Variants in TSPAN2 observed in about 807,000 individuals in gnomAD.
TSPAN2 encodes tetraspanin-2.
TSPAN2 carries 24 observed loss-of-function variants against 33.3 expected under a neutral mutation model. The observed-to-expected ratio is 0.72, with a 90% CI of 0.52 to 1.01. TSPAN2 has a LOEUF of 1.01. Ranked by LOEUF, TSPAN2 falls within the 50% of genes least tolerant of loss-of-function variation. The pLI, the probability that TSPAN2 is intolerant of heterozygous loss-of-function variation, is 0.00. For synonymous variants in TSPAN2, 114 were observed against 104.5 expected, an observed-to-expected ratio of 1.09 and a Z score of -0.56; for missense variants, 278 against 281.3, an observed-to-expected ratio of 0.99 and a Z score of 0.08.
Position 115,050,335 on chromosome 1 carries a change from T to G in TSPAN2, c.*155A>C. ...GGCATTCACTCAAGGGGTAAACCAG[T>G]AATGAGCCAAACATACGTACTCATG... On this transcript the variant is annotated 3_prime_UTR_variant, in exon 8 of 8. Transcript: ENST00000369516. The G allele has an allele frequency of 1.4e-6, 1 of 710,254 alleles. No individual in the cohort carries two copies. Among genetic ancestry groups the G allele is most frequent in the Non-Finnish European group, 2.5e-6 (1 of 402,108 alleles). The allele number at this position is 710,254 out of a possible 1,614,324, so 44.0% of individuals were successfully genotyped here.
chr1:115,083,499 G>T (rs982440450), intron 1 of TSPAN2, among the ~76,000 whole-genome samples: 2 of 152,214 alleles, frequency 1.3e-5, no homozygotes, highest in East Asian at 3.9e-4. Flanking sequence ...TCAGAAACAA[G>T]TGCCACTGCT....
At chr1:115,084,293 T>C (rs12564786) in intron 1 of TSPAN2, among the ~76,000 whole-genome samples, 17,868 of 152,240 alleles carry the variant, frequency 0.12, 1,177 homozygotes, top group East Asian at 0.21. Context: ...ATGTCCATTA[T>C]ACAGATGAGA....
intron 2 of TSPAN2, among the ~76,000 whole-genome samples, chr1:115,071,275 G>C (rs1002456384): frequency 6.6e-6 from 1 of 152,152 alleles, no homozygotes; most frequent in Non-Finnish European, 1.5e-5. Context: ...AAGCTGCAAG[G>C]GGAAATGTGT....
chr1:115,058,080 C>T (rs937542639), intron 5 of TSPAN2: 5 of 174,020 alleles, frequency 2.9e-5, no homozygotes, highest in African/African-American at 1.2e-4. Flanking sequence ...GGCCAGCAAA[C>T]AGGTGTCCTG....
intron 1 of TSPAN2, among the ~76,000 whole-genome samples, chr1:115,077,724 CTGA>C (rs1201330744): frequency 6.6e-6 from 1 of 152,188 alleles, no homozygotes; most frequent in Non-Finnish European, 1.5e-5. Context: ...CCTGGGATTG[CTGA>C]TGAGATGTCC....
At chr1:115,089,297 G>T in intron 1 of TSPAN2, 67 bp downstream of exon 1, 1 of 1,407,572 alleles carries the variant, frequency 7.1e-7, no homozygotes. Flanking sequence ...AGCAGCTCGG[G>T]GACCCCGGCC....
At chr1:115,087,605 G>C (rs1350494320) in intron 1 of TSPAN2, among the ~76,000 whole-genome samples, 2 of 115,226 alleles carry the variant, frequency 1.7e-5, no homozygotes, top group Non-Finnish European at 3.3e-5. Context: ...TACAGAGTGA[G>C]ACTCCGTCTC....
chr1:115,069,889 T>C (rs1648095895), intron 2 of TSPAN2, among the ~76,000 whole-genome samples: 1 of 152,256 alleles, frequency 6.6e-6, no homozygotes, highest in Non-Finnish European at 1.5e-5. Flanking sequence ...AAACACACAA[T>C]TCTGATTCTT....
intron 1 of TSPAN2, among the ~76,000 whole-genome samples, chr1:115,078,118 C>T (rs12137569): frequency 0.23 from 34,551 of 152,158 alleles, 4,106 homozygotes; most frequent in East Asian, 0.39. Context: ...GTGGAGGTCT[C>T]TGTTCTTGCT....
chr1:115,050,295 C>T lies in TSPAN2; in HGVS notation c.*195G>A. 1 of 630,006 alleles carries T rather than the reference C, an allele frequency of 1.6e-6. No homozygotes were observed. Among genetic ancestry groups the T allele is most frequent in the East Asian group, 2.8e-5 (1 of 35,608 alleles). The allele number at this position is 630,006 out of a possible 1,614,324, so 39.0% of individuals were successfully genotyped here. ...CGCAGATCACACATGAATATGCTCT[C>T]AGTCATCATAAACAGGCATTCACTC... On this transcript the variant is annotated 3_prime_UTR_variant, in exon 8 of 8. Coordinates refer to ENST00000369516, the MANE Select transcript of TSPAN2 (RefSeq NM_005725.6).
intron 2 of TSPAN2, 62 bp from the exon 3 acceptor site, chr1:115,062,294 G>T: frequency 7.7e-7 from 1 of 1,301,018 alleles, no homozygotes; most frequent in Non-Finnish European, 1.1e-6. Context: ...CGACCAACTA[G>T]GCTTAAGACT....
chr1:115,061,997 T>C, intron 3 of TSPAN2, 138 bp downstream of exon 3: 1 of 690,072 alleles, frequency 1.4e-6, no homozygotes, highest in South Asian at 1.9e-5. Flanking sequence ...AAACCAAGAC[T>C]GAGGGAGGAA....
In TSPAN2 at chr1:115,050,137, A is replaced by G; in HGVS notation, c.*353T>C. On this transcript the variant is annotated 3_prime_UTR_variant, in exon 8 of 8. Transcript: ENST00000369516. ...CCATTATCACTTTTTCTAAATAGCC[A>G]AGTTCTCAAAGTTTCTGAAAGCTCT... is the stretch of plus-strand genomic sequence containing the variant. 3.8e-6 allele frequency: 1 copy of G among 266,604 alleles called. No homozygotes were observed. The highest frequency in any genetic ancestry group is 4.0e-5 in the South Asian group (1 of 24,712). 16.5% of individuals were successfully genotyped at this position (266,604 alleles called of 1,614,324 possible).
At chr1:115,068,027 G>A (rs1345715103) in intron 2 of TSPAN2, among the ~76,000 whole-genome samples, 1 of 152,172 alleles carries the variant, frequency 6.6e-6, no homozygotes, top group Non-Finnish European at 1.5e-5. Context: ...GCAACACGGA[G>A]CAACCCAAGC....
intron 1 of TSPAN2, among the ~76,000 whole-genome samples, chr1:115,079,652 G>A (rs1031297984): frequency 6.6e-6 from 1 of 152,174 alleles, no homozygotes; most frequent in Non-Finnish European, 1.5e-5. Context: ...AATGGTCTCC[G>A]AAGGACCTCA....
chr1:115,078,497 G>C (rs1047459752), intron 1 of TSPAN2, among the ~76,000 whole-genome samples: 1 of 152,132 alleles, frequency 6.6e-6, no homozygotes, highest in Non-Finnish European at 1.5e-5. Context: ...GGGGCTTTGG[G>C]AGGTAACTAG....
intron 7 of TSPAN2, among the ~76,000 whole-genome samples, chr1:115,052,659 T>C (rs940275823): frequency 6.6e-6 from 1 of 152,206 alleles, no homozygotes; most frequent in African/African-American, 2.4e-5. Context: ...ACACTCTTCT[T>C]TTGTACTTTA....
intron 2 of TSPAN2, among the ~76,000 whole-genome samples, chr1:115,067,303 T>G (rs760730256): frequency 2.6e-5 from 4 of 152,228 alleles, no homozygotes; most frequent in Non-Finnish European, 4.4e-5. Context: ...AGAAAAGTAC[T>G]TGAGATGTCT....
At chr1:115,066,037 A>G (rs562281518) in intron 2 of TSPAN2, among the ~76,000 whole-genome samples, 1 of 152,278 alleles carries the variant, frequency 6.6e-6, no homozygotes, top group Admixed American at 6.5e-5. Flanking sequence ...ACTTAACACA[A>G]TGGCCTCTAG....
Sources: gnomAD v4.1 joint callset for allele counts (sites outside exome capture counted in the v4.1 genomes callset) on GRCh38, gnomAD v4.1.1 for gene constraint, MANE v1.5 for transcripts, NCBI Gene and HGNC (gene_info 2026-07-23, HGNC 2026-07-21) for gene names.